AUTS2: variants seen among roughly 807,000 people sequenced by gnomAD.
AUTS2 encodes the protein autism susceptibility gene 2 protein.
A neutral mutation model predicts 112.4 loss-of-function variants in AUTS2; 17 were observed. That is an observed-to-expected ratio of 0.15 (90% CI 0.10 to 0.23). The LOEUF (loss-of-function observed/expected upper bound fraction) is 0.23, where lower values mean the gene tolerates loss of function less well. Ranked by LOEUF, AUTS2 falls within the 10% of genes least tolerant of loss-of-function variation. The pLI is 1.00. For missense variants in AUTS2, 1,510 were observed against 1,701.6 expected (o/e 0.89, Z 1.98); for synonymous variants, 751 against 702.7 (o/e 1.07, Z -1.09).
At chr7:69,913,120 C>G (rs1256605500) in intron 2 of AUTS2, among the ~76,000 whole-genome samples, 1 of 152,244 alleles carries the variant, frequency 6.6e-6, no homozygotes, top group African/African-American at 2.4e-5. Context: ...GTTTTCTCCA[C>G]ATTCCTGTGC....
rs190793274 is a variant in AUTS2 at position 70,640,843 on chromosome 7, T to G, written c.691-57726T>G. On this transcript the variant is annotated intron_variant, in intron 5 of 18. Transcript: ENST00000342771. Reference sequence around the variant, plus strand: ...CCAGGCAGGCCCTGAAAGCTCAGCTTTCCGTTGCTAGAGCCCACGCCGTCA... The same window carrying G: ...CCAGGCAGGCCCTGAAAGCTCAGCTGTCCGTTGCTAGAGCCCACGCCGTCA... 1.5e-3 allele frequency among the ~76,000 whole-genome samples: 232 copies of G among 152,280 alleles called. 2 individuals are homozygous for G. The highest frequency in any genetic ancestry group is 2.7e-3 in the Non-Finnish European group (182 of 68,028).
intron 1 of AUTS2, among the ~76,000 whole-genome samples, chr7:69,761,766 G>C (rs1037794558): frequency 3.3e-5 from 5 of 152,208 alleles, no homozygotes; most frequent in Non-Finnish European, 7.3e-5. Flanking sequence ...AAGGCTAGGA[G>C]TTGTGGGTTA....
rs1470693399 is a variant in AUTS2, at chr7:69,985,227, T to TTAA, written c.522+85729_522+85730insTAA. Reference sequence around the variant, plus strand: ...GCCTGAGCAACAGAGGAAGACTCTCTAAAAAAAAAAAAAAAAAAAAGAAAG... The same window carrying TTAA: ...GCCTGAGCAACAGAGGAAGACTCTCTTAAAAAAAAAAAAAAAAAAAAAAGAAAG... On this transcript the variant is annotated intron_variant, in intron 2 of 18. Coordinates refer to ENST00000342771, the MANE Select transcript of AUTS2 (RefSeq NM_015570.4). Among the ~76,000 whole-genome samples, 183 of 104,684 alleles carry TTAA rather than the reference T, an allele frequency of 1.7e-3. 4 individuals carry two copies. Among genetic ancestry groups the TTAA allele is most frequent in the African/African-American group, 6.5e-3 (177 of 27,304 alleles). The allele number at this position is 104,684 out of a possible 152,430, so 68.7% of individuals were successfully genotyped here. A position where few individuals can be genotyped will look rare whatever the true frequency, so the allele number is the denominator to read the frequency against.
intron 5 of AUTS2, among the ~76,000 whole-genome samples, chr7:70,654,928 C>T (rs1321956212): frequency 6.6e-6 from 1 of 152,212 alleles, no homozygotes; most frequent in Non-Finnish European, 1.5e-5. Flanking sequence ...CTCTCCTTGA[C>T]AGTCAAAAGG....
At chr7:70,139,364 G>A (rs968608178) in intron 4 of AUTS2, among the ~76,000 whole-genome samples, 5 of 152,088 alleles carry the variant, frequency 3.3e-5, no homozygotes, top group African/African-American at 7.2e-5. Context: ...TGGTGCTTGC[G>A]GCTGCAACAT....
intron 2 of AUTS2, among the ~76,000 whole-genome samples, chr7:69,953,410 A>G (rs1030734117): frequency 2.6e-5 from 4 of 152,066 alleles, no homozygotes; most frequent in African/African-American, 9.7e-5. Context: ...AACAATAAGT[A>G]CTCTTGATGG....
chr7:69,695,915 T>C (rs776130165), intron 1 of AUTS2, among the ~76,000 whole-genome samples: 2 of 152,228 alleles, frequency 1.3e-5, no homozygotes, highest in Non-Finnish European at 1.5e-5. Flanking sequence ...GAAGGGGCCT[T>C]CTTGACACTC....
At chr7:69,816,684 A>G (rs1790776805) in intron 1 of AUTS2, among the ~76,000 whole-genome samples, 1 of 152,230 alleles carries the variant, frequency 6.6e-6, no homozygotes, top group Non-Finnish European at 1.5e-5. Context: ...TGCTCTTTAC[A>G]TCAAAATTAC....
intron 11 of AUTS2, 86 bp from the exon 12 acceptor site, chr7:70,773,940 TTC>T: frequency 8.1e-7 from 1 of 1,231,862 alleles, no homozygotes; most frequent in Non-Finnish European, 1.2e-6. Flanking sequence ...GAAGTTTGGC[TTC>T]TCTCATTTAG....
At chr7:70,057,019 G>C (rs147572750) in intron 2 of AUTS2, among the ~76,000 whole-genome samples, 6 of 152,206 alleles carry the variant, frequency 3.9e-5, no homozygotes, top group African/African-American at 1.4e-4. Flanking sequence ...GCTCGTTCCT[G>C]TTTCAAATGC....
intron 2 of AUTS2, among the ~76,000 whole-genome samples, chr7:70,074,229 A>G (rs535998636): frequency 1.3e-5 from 2 of 152,350 alleles, no homozygotes; most frequent in Admixed American, 1.3e-4. Flanking sequence ...TCTCCTGGAA[A>G]GAAGTAACGG....
chr7:69,798,570 G>T (rs1161287954), intron 1 of AUTS2, among the ~76,000 whole-genome samples: 1 of 152,044 alleles, frequency 6.6e-6, no homozygotes, highest in African/African-American at 2.4e-5. Context: ...TTTACATACT[G>T]TACTCATAAA....
chr7:69,814,084 T>C (rs1790656075), intron 1 of AUTS2, among the ~76,000 whole-genome samples: 1 of 152,204 alleles, frequency 6.6e-6, no homozygotes, highest in Non-Finnish European at 1.5e-5. Flanking sequence ...ATTATTCCAT[T>C]GAGGCTCTCC....
chr7:69,914,358 C>CAG (rs1562965573), intron 2 of AUTS2, among the ~76,000 whole-genome samples: 3 of 98,034 alleles, frequency 3.1e-5, no homozygotes, highest in South Asian at 6.7e-4. Context: ...CACACACAGA[C>CAG]ACACACACAC....
chr7:70,570,280 T>C (rs898875428), intron 5 of AUTS2, among the ~76,000 whole-genome samples: 10 of 152,200 alleles, frequency 6.6e-5, no homozygotes, highest in African/African-American at 2.4e-4. Flanking sequence ...TGGACCCATT[T>C]TGTAGGTGTT....
At chr7:70,242,087 G>A (rs182079505) in intron 4 of AUTS2, among the ~76,000 whole-genome samples, 17 of 152,286 alleles carry the variant, frequency 1.1e-4, no homozygotes, top group Non-Finnish European at 1.6e-4. Flanking sequence ...TTGGCCTTAG[G>A]GAGGGAAGTC....
intron 4 of AUTS2, among the ~76,000 whole-genome samples, chr7:70,210,590 A>G (rs891397274): frequency 2.0e-5 from 3 of 152,206 alleles, no homozygotes; most frequent in Admixed American, 6.5e-5. Flanking sequence ...CATGGCTCTA[A>G]GAATACTTCT....
intron 5 of AUTS2, among the ~76,000 whole-genome samples, chr7:70,663,061 T>A (rs1031539774): frequency 3.3e-5 from 5 of 152,200 alleles, no homozygotes; most frequent in Admixed American, 1.3e-4. Context: ...AAGGCCTTTT[T>A]ACAGAGTAAC....
intron 5 of AUTS2, among the ~76,000 whole-genome samples, chr7:70,653,103 A>G (rs1806594595): frequency 6.6e-6 from 1 of 152,096 alleles, no homozygotes; most frequent in African/African-American, 2.4e-5. Context: ...AAAAAATAAA[A>G]AATCAACCAG....
Sources: allele counts gnomAD v4.1 joint callset (sites outside exome capture counted in the v4.1 genomes callset), GRCh38; gene constraint gnomAD v4.1.1; transcripts MANE v1.5; gene names NCBI Gene and HGNC (gene_info 2026-07-23, HGNC 2026-07-21).